The following ABCC1 variants were observed in gnomAD, a reference collection of about 807,000 sequenced individuals.
The protein encoded by ABCC1 is ATP binding cassette subfamily C member 1 (ABCC1 blood group).
Under a neutral mutation model 172.9 loss-of-function variants are expected in ABCC1, and 83 were observed. That is an observed-to-expected ratio of 0.48 (90% CI 0.40 to 0.58). The LOEUF (loss-of-function observed/expected upper bound fraction) is 0.58. Ranked by LOEUF, ABCC1 falls within the 20% of genes least tolerant of loss-of-function variation. The probability of loss-of-function intolerance (pLI) is 0.00; values close to 1 mark genes in which losing one functional copy is unlikely to be tolerated. For synonymous variants in ABCC1, 937 were observed against 825.2 expected (o/e 1.14, Z -2.32); for missense variants, 1,817 against 2,002.7 (o/e 0.91, Z 1.77).
At position 16,136,585 on chromosome 16, in the gene ABCC1, C is replaced by T. The variant is rs34327330; in HGVS notation, c.4233C>T (p.Phe1411=). ...TGGAGCTGGCCCACCTGAAGGACTT[C>T]GTGTCAGCCCTTCCTGACAAGCTAG... ...TSLELAHLKD[F]VSALPDKLDH... is the part of the protein sequence containing the mutation. The change falls in exon 29 of 31, where the codon TTC becomes TTT. Residue 1411 remains phenylalanine (F), a synonymous_variant. Coordinates refer to ENST00000399410, the MANE Select transcript of ABCC1 (RefSeq NM_004996.4). 2.4e-4 allele frequency: 392 copies of T among 1,614,126 alleles called. 1 individual carries two copies. The African/African-American group carries it at 4.4e-3, about 18-fold the overall frequency.
At chr16:16,046,884 G>T (rs1035227995) in intron 9 of ABCC1, among the ~76,000 whole-genome samples, 5 of 151,612 alleles carry the variant, frequency 3.3e-5, no homozygotes, top group Admixed American at 3.3e-4. Flanking sequence ...CTGTGAATTA[G>T]ACTCACCTGG....
intron 12 of ABCC1, among the ~76,000 whole-genome samples, chr16:16,062,903 T>C (rs1186473494): frequency 1.3e-5 from 2 of 152,144 alleles, no homozygotes; most frequent in Non-Finnish European, 2.9e-5. Flanking sequence ...TAAAATAGCA[T>C]CGCCAGGCAG....
intron 12 of ABCC1, among the ~76,000 whole-genome samples, chr16:16,067,287 T>C (rs139491130): frequency 6.6e-6 from 1 of 152,292 alleles, no homozygotes; most frequent in Non-Finnish European, 1.5e-5. Context: ...GGAAAATTTC[T>C]GTGCCATGGC....
rs769367775 is a variant in ABCC1, at chr16:16,136,487, T to G, written c.4135T>G (p.Leu1379Val). The change falls in exon 29 of 31, where the codon TTG becomes GTG. Residue 1379 changes from leucine (L) to valine (V), a missense_variant. This residue lies in a region of ABCC1 where 1,412 missense variants were observed against 1,600.3 expected (regional missense o/e 0.88). Transcript: ENST00000399410. The part of the protein sequence containing the change: ...KITIIPQDPV[L>V]FSGSLRMNLD... The stretch of plus-strand genomic sequence containing the variant: ...TCTTCTCTCTGAACAGGACCCTGTT[T>G]TGTTTTCGGGTTCCCTCCGAATGAA... The G allele has an allele frequency of 6.2e-7, 1 of 1,614,138 alleles. No homozygotes were observed. The highest frequency in any genetic ancestry group is 1.1e-5 in the South Asian group (1 of 91,070).
At chr16:16,006,917 G>GAT (rs2047559049) in intron 1 of ABCC1, among the ~76,000 whole-genome samples, 1 of 93,872 alleles carries the variant, frequency 1.1e-5, no homozygotes, top group African/African-American at 3.5e-5. Context: ...TGATGATGAT[G>GAT]GTGGTGATGG....
intron 21 of ABCC1, among the ~76,000 whole-genome samples, chr16:16,111,071 A>C (rs892661548): frequency 6.6e-6 from 1 of 151,878 alleles, no homozygotes; most frequent in Non-Finnish European, 1.5e-5. Context: ...GGCTAACTTT[A>C]TATTTTTAAT....
chr16:16,019,903 G>A (rs1377984559), intron 5 of ABCC1, among the ~76,000 whole-genome samples: 1 of 152,112 alleles, frequency 6.6e-6, no homozygotes, highest in Non-Finnish European at 1.5e-5. Flanking sequence ...CTGTGTCACT[G>A]CTGGTCTTCC....
intron 16 of ABCC1, among the ~76,000 whole-genome samples, chr16:16,081,157 C>T (rs572298549): frequency 2.6e-5 from 4 of 152,290 alleles, no homozygotes; most frequent in Middle Eastern, 3.4e-3. Flanking sequence ...CGTGAGCCAC[C>T]GCTCCTGGCC....
intron 1 of ABCC1, among the ~76,000 whole-genome samples, chr16:15,973,969 A>C (rs532557860): frequency 6.6e-6 from 1 of 152,208 alleles, no homozygotes; most frequent in African/African-American, 2.4e-5. Flanking sequence ...TGGGTGACAG[A>C]GTGAGACCCT....
At chr16:15,988,274 T>G (rs1286698852) in intron 1 of ABCC1, among the ~76,000 whole-genome samples, 1 of 152,166 alleles carries the variant, frequency 6.6e-6, no homozygotes, top group African/African-American at 2.4e-5. Context: ...TCTGAGTGCT[T>G]TTCATCACAC....
chr16:16,014,638 A>T lies in ABCC1; in HGVS notation c.489+10A>T. ...GACAGCCTTAAAAGAGGTAAGTGGCAGTCTCCTTCCTCATCTTCCTTCAGT... is the reference window on the plus strand; with the variant it reads ...GACAGCCTTAAAAGAGGTAAGTGGCTGTCTCCTTCCTCATCTTCCTTCAGT... On this transcript the variant is annotated intron_variant, in intron 4 of 30. Transcript: ENST00000399410. 1.2e-6 allele frequency: 2 copies of T among 1,613,062 alleles called. No individual in the cohort carries two copies. Among genetic ancestry groups the T allele is most frequent in the Non-Finnish European group, 1.7e-6 (2 of 1,179,718 alleles).
At chr16:16,041,279 TATATG>T (rs1200629572) in intron 7 of ABCC1, among the ~76,000 whole-genome samples, 1 of 152,088 alleles carries the variant, frequency 6.6e-6, no homozygotes, top group African/African-American at 2.4e-5. Context: ...TTCAGTGAGA[TATATG>T]ATATGATAAG....
At position 16,085,899 on chromosome 16, in the gene ABCC1, C is replaced by T. The variant is rs1596477060; in HGVS notation, c.2293-925C>T. ...GATTTCCAGCCAAATAGGGAAACGA[C>T]GTTGGCTTATCTGTCATGGTGGGAG... On this transcript the variant is annotated intron_variant, in intron 17 of 30. Coordinates refer to ENST00000399410, the MANE Select transcript of ABCC1 (RefSeq NM_004996.4). 2.0e-5 allele frequency among the ~76,000 whole-genome samples: 3 copies of T among 152,296 alleles called. 1 individual carries two copies. Among genetic ancestry groups the T allele is most frequent in the South Asian group, 2.1e-4 (1 of 4,818 alleles).
intron 3 of ABCC1, 136 bp downstream of exon 3, chr16:16,010,037 CTTTTTTTTT>C (rs71388789): frequency 2.3e-4 from 25 of 108,150 alleles, no homozygotes; most frequent in East Asian, 1.9e-3. Flanking sequence ...TAAATGTAGC[CTTTTTTTTT>C]TTTTTTTTTT....
chr16:16,043,243 T>TTTC (rs1021835519), intron 7 of ABCC1, among the ~76,000 whole-genome samples: 9 of 140,870 alleles, frequency 6.4e-5, no homozygotes, highest in East Asian at 2.0e-4. Flanking sequence ...TTTTTTTTTT[T>TTTC]CCACTGATGT....
intron 1 of ABCC1, among the ~76,000 whole-genome samples, chr16:15,962,225 GT>G (rs893282929): frequency 6.6e-6 from 1 of 152,112 alleles, no homozygotes; most frequent in Admixed American, 6.5e-5. Flanking sequence ...GTGTGCTTTG[GT>G]TTTGTTCAGT....
At chr16:16,109,233 G>A (rs1016240045) in intron 21 of ABCC1, among the ~76,000 whole-genome samples, 4 of 152,126 alleles carry the variant, frequency 2.6e-5, no homozygotes, top group African/African-American at 7.2e-5. Context: ...CTGGAGTGCA[G>A]TGGTGTGACC....
chr16:15,972,524 G>C (rs774483838), intron 1 of ABCC1, among the ~76,000 whole-genome samples: 15 of 152,082 alleles, frequency 9.9e-5, no homozygotes, highest in Non-Finnish European at 2.1e-4. Flanking sequence ...CTGGGTTCAA[G>C]GTAGGAAGAG....
At chr16:16,020,088 G>T (rs535266766) in intron 5 of ABCC1, among the ~76,000 whole-genome samples, 9 of 152,212 alleles carry the variant, frequency 5.9e-5, no homozygotes, top group African/African-American at 2.2e-4. Flanking sequence ...TGCCTGGCTA[G>T]TTTTTGTATT....
Sources: gnomAD v4.1 joint callset for allele counts (sites outside exome capture counted in the v4.1 genomes callset) on GRCh38, gnomAD v4.1.1 for gene constraint, gnomAD v4.1.1 regional missense constraint, MANE v1.5 for transcripts, NCBI Gene and HGNC (gene_info 2026-07-23, HGNC 2026-07-21) for gene names.